SPTBN2: variants seen among roughly 807,000 people sequenced by gnomAD.
SPTBN2 encodes the protein spectrin beta, non-erythrocytic 2, also known as spectrin beta chain, non-erythrocytic 2.
In SPTBN2, 107 loss-of-function variants were observed where a neutral mutation model predicts 284.2. The observed-to-expected ratio is 0.38, with a 90% CI of 0.32 to 0.44. The LOEUF (loss-of-function observed/expected upper bound fraction) is 0.44, where lower values mean the gene tolerates loss of function less well. SPTBN2 is among the 20% of genes least tolerant of loss of function. The pLI, the probability that SPTBN2 is intolerant of heterozygous loss-of-function variation, is 1.00. For missense variants in SPTBN2, 2,569 were observed against 3,287.1 expected (o/e 0.78, Z 5.34); for synonymous variants, 1,289 against 1,354.8 (o/e 0.95, Z 1.07).
At chr11:66,719,607 C>T (rs1044856124) in intron 3 of SPTBN2, among the ~76,000 whole-genome samples, 13 of 152,122 alleles carry the variant, frequency 8.5e-5, no homozygotes, top group Non-Finnish European at 1.9e-4. Context: ...AAGTTATGTG[C>T]AGCCAGACAT....
Position 66,684,432 on chromosome 11 carries a change from G to A in SPTBN2, c.*1439C>T, listed in dbSNP as rs1485007918. On this transcript the variant is annotated 3_prime_UTR_variant, in exon 38 of 38. Coordinates refer to ENST00000533211, the MANE Select transcript of SPTBN2 (RefSeq NM_006946.4). ...GAGAATCACTTGGGCCCAGGAATTC[G>A]AGACCGACCTGGGCAACATAGTGAG... 6.6e-6 allele frequency among the ~76,000 whole-genome samples: 1 copy of A among 152,108 alleles called. No individual in the cohort carries two copies. The highest frequency in any genetic ancestry group is 1.5e-5 in the Non-Finnish European group (1 of 68,024).
chr11:66,716,819 G>A (rs536939372), intron 3 of SPTBN2, among the ~76,000 whole-genome samples: 4 of 152,278 alleles, frequency 2.6e-5, no homozygotes, highest in South Asian at 4.1e-4. Context: ...TGCCCAGGCC[G>A]GTGGGAGGTA....
rs1302425708 is a variant in SPTBN2, at chr11:66,710,157, C to T, written c.1073+425G>A. Among the ~76,000 whole-genome samples, 3 of 152,232 alleles carry T rather than the reference C, an allele frequency of 2.0e-5. No homozygotes were observed. The highest frequency in any genetic ancestry group is 2.9e-5 in the Non-Finnish European group (2 of 68,046). On this transcript the variant is annotated intron_variant, in intron 10 of 37. Coordinates refer to ENST00000533211, the MANE Select transcript of SPTBN2 (RefSeq NM_006946.4). This position sits in a 1 kb window ranked among gnomAD's most constrained non-coding sequence, Gnocchi z 4.9. ...TCCCGGGTTCAGGTGGTTCTCCTGC[C>T]TCAGCCTCCCGAGTAGCTGGGATGA...
At position 66,705,459 on chromosome 11, in the gene SPTBN2, G is replaced by A; in HGVS notation, c.1817C>T (p.Pro606Leu). Residue 606 changes from proline to leucine, a missense_variant, in exon 15 of 38, where the codon CCT becomes CTT. Physicochemically the swap from Pro to Leu is moderately conservative, Grantham distance 98. Coordinates refer to ENST00000533211, the MANE Select transcript of SPTBN2 (RefSeq NM_006946.4). Reference protein sequence around the residue: ...RFCNPGKEYRPCDPQLVSERV... With the variant: ...RFCNPGKEYRLCDPQLVSERV... ...CTCCGACACCAGCTGCGGGTCGCAA[G>A]GTCTATACTCTGAGAAAGTCACAGG... is the stretch of plus-strand genomic sequence containing the variant. 1 of 1,613,056 alleles carries A rather than the reference G, an allele frequency of 6.2e-7. No individual in the cohort carries two copies. The highest frequency in any genetic ancestry group is 8.5e-7 in the Non-Finnish European group (1 of 1,180,030).
At chr11:66,736,870 T>C (rs931032809) in intron 1 of SPTBN2, among the ~76,000 whole-genome samples, 7 of 152,250 alleles carry the variant, frequency 4.6e-5, no homozygotes, top group African/African-American at 1.7e-4. Context: ...AGCTAGTAGC[T>C]AGTCATGTCA....
chr11:66,721,344 C>T lies in SPTBN2; in HGVS notation c.-23+6G>A. On this transcript the variant is annotated splice_donor_region_variant and intron_variant, in intron 2 of 37. Coordinates refer to ENST00000533211, the MANE Select transcript of SPTBN2 (RefSeq NM_006946.4). Reference sequence around the variant, plus strand: ...ACCACCGGGGCCTTCTGTCTTCTTGCCCTACCTGTGCTCCGCTCTCCTTGT... The same window carrying T: ...ACCACCGGGGCCTTCTGTCTTCTTGTCCTACCTGTGCTCCGCTCTCCTTGT... The T allele has an allele frequency of 6.8e-7, 1 of 1,467,266 alleles. No homozygotes were observed. Among genetic ancestry groups the T allele is most frequent in the Admixed American group, 1.7e-5 (1 of 59,670 alleles). The allele number at this position is 1,467,266 out of a possible 1,614,324, so 90.9% of individuals were successfully genotyped here.
Position 66,688,746 on chromosome 11 carries a change from G to C in SPTBN2, c.6138C>G (p.Asp2046Glu). 6.2e-7 allele frequency: 1 copy of C among 1,613,542 alleles called. No individual in the cohort carries two copies. Among genetic ancestry groups the C allele is most frequent in the Non-Finnish European group, 8.5e-7 (1 of 1,180,032 alleles). ...GCCGCTTGATGAGGCTCTCAACTTC[G>C]TCGACCGTGCAACCCAGCTCAGCGC... ...VRSAELGCTV[D>E]EVESLIKRHE... The change falls in exon 31 of 38, where the codon GAC becomes GAG. Residue 2046 changes from aspartate (D) to glutamate (E), a missense_variant. By Grantham distance (45) the Asp-to-Glu change is conservative. This residue lies in a region of SPTBN2 where 1,130 missense variants were observed against 1,317.3 expected (regional missense o/e 0.86). Coordinates refer to ENST00000533211, the MANE Select transcript of SPTBN2 (RefSeq NM_006946.4).
intron 25 of SPTBN2, 78 bp from the exon 26 acceptor site, chr11:66,692,818 C>A (rs1940651374): frequency 6.3e-7 from 1 of 1,596,782 alleles, no homozygotes; most frequent in African/African-American, 1.3e-5. Context: ...GGAGCCCTGT[C>A]CCTCTGAGTC....
Position 66,728,891 on chromosome 11 carries a change from C to G in SPTBN2, c.-264G>C, listed in dbSNP as rs1466388593. ...TCCAGTCCGTCTCCGCTAAGCATTC[C>G]TCTCACCCGTCCCCTCGCTCTCGCG... On this transcript the variant is annotated 5_prime_UTR_variant, in exon 1 of 38. Coordinates refer to ENST00000533211, the MANE Select transcript of SPTBN2 (RefSeq NM_006946.4). The G allele has an allele frequency of 6.6e-6, 1 of 152,554 alleles. No individual in the cohort carries two copies. Among genetic ancestry groups the G allele is most frequent in the East Asian group, 1.9e-4 (1 of 5,196 alleles). The allele number at this position is 152,554 out of a possible 1,614,324, so 9.5% of individuals were successfully genotyped here.
chr11:66,692,461 C>T (rs1940623058), intron 26 of SPTBN2, 75 bp downstream of exon 26: 1 of 1,559,824 alleles, frequency 6.4e-7, no homozygotes, highest in African/African-American at 1.3e-5. Flanking sequence ...CTGCCTGGGA[C>T]TAGGTCCTAG....
Position 66,692,027 on chromosome 11 carries a change from T to C in SPTBN2, c.5191-369A>G, listed in dbSNP as rs560714783. Among the ~76,000 whole-genome samples, 12 of 152,330 alleles carry C rather than the reference T, an allele frequency of 7.9e-5. 1 individual carries two copies. The East Asian group carries it at 2.3e-3, about 29-fold the overall frequency. On this transcript the variant is annotated intron_variant, in intron 26 of 37. Coordinates refer to ENST00000533211, the MANE Select transcript of SPTBN2 (RefSeq NM_006946.4). ...TTGAAAAGTGTGAGTGATAATTTCCTGTTTGCCCTTGTCTCAGCTCAGCTT... is the reference window on the plus strand; with the variant it reads ...TTGAAAAGTGTGAGTGATAATTTCCCGTTTGCCCTTGTCTCAGCTCAGCTT...
At chr11:66,699,702 C>T in intron 17 of SPTBN2, 94 bp from the exon 18 acceptor site, 1 of 1,276,738 alleles carries the variant, frequency 7.8e-7, no homozygotes, top group Non-Finnish European at 1.1e-6. Context: ...GAGGTAGGGA[C>T]CAACAAGCAG....
In SPTBN2 at chr11:66,694,292, G is replaced by A. The variant is rs1035274452; in HGVS notation, c.4350C>T (p.Ala1450=). ...EAIQAQAKAL[A]QEDQGAGEVE... ...CCTCCCCTGCACCCTGGTCCTCCTG[G>A]GCCAGTGCTTTGGCCTGGGCCTGGA... Residue 1450 remains alanine (A), a synonymous_variant, in exon 22 of 38, where the codon GCC becomes GCT. Coordinates refer to ENST00000533211, the MANE Select transcript of SPTBN2 (RefSeq NM_006946.4). 6.2e-6 allele frequency: 10 copies of A among 1,614,066 alleles called. No homozygotes were observed. The highest frequency in any genetic ancestry group is 7.6e-6 in the Non-Finnish European group (9 of 1,180,030).
exon 1 of SPTBN2, chr11:66,744,642 G>A (rs1565168508): frequency 2.0e-5 from 7 of 354,910 alleles, no homozygotes; most frequent in South Asian, 2.2e-4. Context: ...GGTGGCTCCC[G>A]GCGGCGGTTC....
chr11:66,708,150 G>A lies in SPTBN2; in HGVS notation c.1341C>T (p.Leu447=), dbSNP rs377231549. Reference sequence around the variant, plus strand: ...GAGCCTCAAGTCCTACCTGGGACACGAGGCGCTGGTTCTCGCTGAGCCAGG... The same window carrying A: ...GAGCCTCAAGTCCTACCTGGGACACAAGGCGCTGGTTCTCGCTGAGCCAGG... ...RETWLSENQR[L]VSQDNFGLEL... is the part of the protein sequence containing the mutation. The change falls in exon 12 of 38, where the codon CTC becomes CTT. Residue 447 remains leucine, a synonymous_variant. Transcript: ENST00000533211. The surrounding 1 kb of genome is among the most constrained non-coding windows in gnomAD (Gnocchi z 4.4). The A allele has an allele frequency of 1.8e-5, 29 of 1,613,080 alleles. No individual in the cohort carries two copies. Among genetic ancestry groups the A allele is most frequent in the Middle Eastern group, 1.6e-4 (1 of 6,082 alleles).
rs781347669 is a variant in SPTBN2 at position 66,710,946 on chromosome 11, G to A, written c.856C>T (p.Leu286=). 2.0e-5 allele frequency: 32 copies of A among 1,614,146 alleles called. No individual in the cohort carries two copies. Among genetic ancestry groups the A allele is most frequent in the Non-Finnish European group, 2.5e-5 (29 of 1,180,058 alleles). Reference sequence around the variant, plus strand: ...CCAATTCTCTTGCCTTCCACGGCCAGGGCCTTCATCTTGGAGAAGTAATGG... The same window carrying A: ...CCAATTCTCTTGCCTTCCACGGCCAAGGCCTTCATCTTGGAGAAGTAATGG... The part of the protein sequence containing the change: ...YYHYFSKMKA[L]AVEGKRIGKV... Residue 286 remains leucine, a synonymous_variant, in exon 9 of 38, where the codon CTG becomes TTG. Transcript: ENST00000533211. The surrounding 1 kb of genome is among the most constrained non-coding windows in gnomAD (Gnocchi z 4.9).
chr11:66,741,518 G>A (rs1942895541), intron 1 of SPTBN2, among the ~76,000 whole-genome samples: 1 of 152,138 alleles, frequency 6.6e-6, no homozygotes, highest in African/African-American at 2.4e-5. Flanking sequence ...ATTCTGAGGT[G>A]GGTGCAGAAA....
At chr11:66,735,645 G>T (rs1048152667) in intron 1 of SPTBN2, among the ~76,000 whole-genome samples, 1 of 152,172 alleles carries the variant, frequency 6.6e-6, no homozygotes, top group Non-Finnish European at 1.5e-5. Context: ...CTGGGAGGTC[G>T]AGGCTGCAGT....
chr11:66,708,032 G>T lies in SPTBN2; in HGVS notation c.1350+109C>A. 6.4e-7 allele frequency: 1 copy of T among 1,559,658 alleles called. No individual in the cohort carries two copies. The highest frequency in any genetic ancestry group is 1.1e-5 in the South Asian group (1 of 88,946). ...CGGACCTCTAGGCCTTTTTACCCAG[G>T]TGACGGATTTTGTGTTTCATTGTCT... On this transcript the variant is annotated intron_variant, in intron 12 of 37. Transcript: ENST00000533211. The surrounding 1 kb of genome is among the most constrained non-coding windows in gnomAD (Gnocchi z 4.4).
Sources: allele counts gnomAD v4.1 joint callset (sites outside exome capture counted in the v4.1 genomes callset), GRCh38; gene constraint gnomAD v4.1.1; regional missense constraint gnomAD v4.1.1; non-coding constraint Gnocchi (gnomAD v3.1); transcripts MANE v1.5; gene names NCBI Gene and HGNC (gene_info 2026-07-23, HGNC 2026-07-21).